NKAIN3: variants seen among roughly 807,000 people sequenced by gnomAD.
NKAIN3 encodes the protein sodium/potassium transporting ATPase interacting 3.
NKAIN3 carries 25 observed loss-of-function variants against 30.2 expected under a neutral mutation model. The ratio of observed to expected loss-of-function variants is 0.83; its 90% CI spans 0.60 to 1.16. NKAIN3 has a LOEUF of 1.16. NKAIN3 is among the 50% of genes most tolerant of loss of function. NKAIN3 has a pLI of 0.00. For missense variants in NKAIN3, 225 were observed against 254.1 expected (o/e 0.89, Z 0.78); for synonymous variants, 91 against 89.6 (o/e 1.02, Z -0.09).
chr8:62,608,910 C>A (rs976576048), intron 3 of NKAIN3, among the ~76,000 whole-genome samples: 1 of 152,054 alleles, frequency 6.6e-6, no homozygotes, highest in African/African-American at 2.4e-5. Context: ...ATGCTATGGA[C>A]AATAAAATCA....
At position 62,870,751 on chromosome 8, in the gene NKAIN3, C is replaced by A. The variant is rs1342794998; in HGVS notation, c.472-47702C>A. Among the ~76,000 whole-genome samples, 4 of 132,078 alleles carry A rather than the reference C, an allele frequency of 3.0e-5. No homozygotes were observed. In the East Asian group the frequency reaches 8.2e-4, roughly 27 times the overall value. The allele number at this position is 132,078 out of a possible 152,430, so 86.6% of individuals were successfully genotyped here. On this transcript the variant is annotated intron_variant, in intron 4 of 6. Coordinates refer to ENST00000623646, the MANE Select transcript of NKAIN3 (RefSeq NM_001304533.3). The stretch of plus-strand genomic sequence containing the variant: ...TATATATCTATATATATCTAGATAT[C>A]TAGATATATAGATATATATAGAGAG...
chr8:62,263,220 TTCCAAAA>T (rs1185532681), intron 1 of NKAIN3, among the ~76,000 whole-genome samples: 10 of 152,222 alleles, frequency 6.6e-5, no homozygotes, highest in Admixed American at 1.3e-4. Flanking sequence ...TTTAATTTGT[TTCCAAAA>T]TCCTGGTTAA....
intron 3 of NKAIN3, among the ~76,000 whole-genome samples, chr8:62,602,539 A>G (rs1811010818): frequency 6.6e-6 from 1 of 152,128 alleles, no homozygotes; most frequent in Admixed American, 6.6e-5. Flanking sequence ...CATTGTATAC[A>G]GAGTCTATGA....
chr8:62,415,059 T>G (rs988811040), intron 1 of NKAIN3, among the ~76,000 whole-genome samples: 2 of 144,706 alleles, frequency 1.4e-5, no homozygotes, highest in African/African-American at 2.5e-5. Flanking sequence ...ATATACTATA[T>G]TATATTACAT....
intron 4 of NKAIN3, chr8:62,855,325 G>A: frequency 1.7e-6 from 1 of 586,996 alleles, no homozygotes; most frequent in Non-Finnish European, 3.1e-6. Flanking sequence ...AGTGCTCAGA[G>A]AGAACTTCCA....
intron 4 of NKAIN3, among the ~76,000 whole-genome samples, chr8:62,796,465 G>T (rs1463345980): frequency 6.7e-6 from 1 of 149,196 alleles, no homozygotes; most frequent in Non-Finnish European, 1.5e-5. Context: ...GCTCAAGGCT[G>T]CTCAATTTGT....
intron 1 of NKAIN3, among the ~76,000 whole-genome samples, chr8:62,290,070 T>A (rs1283827152): frequency 1.3e-5 from 2 of 152,160 alleles, no homozygotes; most frequent in Non-Finnish European, 2.9e-5. Context: ...TAGGAATGCT[T>A]GTGATTTTTG....
At position 62,726,506 on chromosome 8, in the gene NKAIN3, G is replaced by T. The variant is rs550054382; in HGVS notation, c.274-20426G>T. Among the ~76,000 whole-genome samples, 422 of 152,066 alleles carry T rather than the reference G, an allele frequency of 2.8e-3. 3 individuals carry two copies. The highest frequency in any genetic ancestry group is 9.8e-3 in the African/African-American group (407 of 41,530). On this transcript the variant is annotated intron_variant, in intron 3 of 6. Transcript: ENST00000623646. ...TTTTTAGAGGATTCTTATCATGGAA[G>T]GATGTAGAATTTTATCAAATGATTT... is the stretch of plus-strand genomic sequence containing the variant.
intron 1 of NKAIN3, among the ~76,000 whole-genome samples, chr8:62,567,506 T>A (rs1334211794): frequency 6.6e-6 from 1 of 152,166 alleles, no homozygotes; most frequent in Non-Finnish European, 1.5e-5. Context: ...AGTATTTAGC[T>A]GTTCTGGAAA....
At chr8:62,796,138 C>G (rs1253624288) in intron 4 of NKAIN3, among the ~76,000 whole-genome samples, 9 of 151,958 alleles carry the variant, frequency 5.9e-5, no homozygotes, top group Non-Finnish European at 1.5e-5. Flanking sequence ...AATCCCAGCA[C>G]TTTCGGAGGC....
chr8:62,288,254 A>G (rs1813446607), intron 1 of NKAIN3, among the ~76,000 whole-genome samples: 1 of 151,692 alleles, frequency 6.6e-6, no homozygotes, highest in Non-Finnish European at 1.5e-5. Context: ...TATCTTTTTT[A>G]ATTATACTTT....
At chr8:62,521,676 A>T (rs1808164936) in intron 1 of NKAIN3, among the ~76,000 whole-genome samples, 1 of 152,126 alleles carries the variant, frequency 6.6e-6, no homozygotes, top group South Asian at 2.1e-4. Context: ...TTGGATCTGG[A>T]CCTGGATTGC....
At chr8:62,403,929 AG>A (rs955281471) in intron 1 of NKAIN3, among the ~76,000 whole-genome samples, 3 of 152,208 alleles carry the variant, frequency 2.0e-5, no homozygotes, top group African/African-American at 7.2e-5. Flanking sequence ...AGCAGCTGGG[AG>A]GGGGACTGTA....
At chr8:62,888,767 C>T (rs751056528) in intron 4 of NKAIN3, among the ~76,000 whole-genome samples, 1 of 152,174 alleles carries the variant, frequency 6.6e-6, no homozygotes, top group Non-Finnish European at 1.5e-5. Context: ...TTCAACCCTT[C>T]CTATCTGAAG....
chr8:62,565,279 T>A (rs1002977083), intron 1 of NKAIN3, among the ~76,000 whole-genome samples: 4 of 152,098 alleles, frequency 2.6e-5, no homozygotes, highest in African/African-American at 9.7e-5. Flanking sequence ...CATTTTCATA[T>A]CATTATATAA....
At chr8:62,442,481 A>G (rs1190006420) in intron 1 of NKAIN3, among the ~76,000 whole-genome samples, 1 of 151,978 alleles carries the variant, frequency 6.6e-6, no homozygotes, top group Non-Finnish European at 1.5e-5. Flanking sequence ...CCTCCCATAG[A>G]CACTGAAAAA....
intron 5 of NKAIN3, among the ~76,000 whole-genome samples, chr8:62,998,163 C>A (rs1182171477): frequency 6.6e-6 from 1 of 152,192 alleles, no homozygotes; most frequent in Non-Finnish European, 1.5e-5. Context: ...GCCATATGGA[C>A]ACTGTCTTCT....
At position 62,971,112 on chromosome 8, in the gene NKAIN3, T is replaced by C. The variant is rs1190626786; in HGVS notation, c.*5705T>C. 6.6e-6 allele frequency among the ~76,000 whole-genome samples: 1 copy of C among 152,112 alleles called. No individual in the cohort carries two copies. Among genetic ancestry groups the C allele is most frequent in the Non-Finnish European group, 1.5e-5 (1 of 68,028 alleles). On this transcript the variant is annotated 3_prime_UTR_variant, in exon 7 of 7. Transcript: ENST00000623646. ...TCTGTGGCCGCCATTTTTAAGACCA[T>C]AACATGACTCAAAATGGCTGCTGAA...
At chr8:62,783,212 T>C (rs1326708351) in intron 4 of NKAIN3, among the ~76,000 whole-genome samples, 1 of 152,112 alleles carries the variant, frequency 6.6e-6, no homozygotes, top group Non-Finnish European at 1.5e-5. Flanking sequence ...GATGATAGTA[T>C]AAACAGTGGG....
Sources: gnomAD v4.1 joint callset for allele counts (sites outside exome capture counted in the v4.1 genomes callset) on GRCh38, gnomAD v4.1.1 for gene constraint, MANE v1.5 for transcripts, NCBI Gene and HGNC (gene_info 2026-07-23, HGNC 2026-07-21) for gene names.